Variants in HPCAL1 observed in about 807,000 individuals in gnomAD.
HPCAL1 encodes hippocalcin-like protein 1.
In HPCAL1, 8 loss-of-function variants were observed where a neutral mutation model predicts 17.1. The ratio of observed to expected loss-of-function variants is 0.47; its 90% CI spans 0.27 to 0.84. HPCAL1 has a LOEUF of 0.84. Ranked by LOEUF, HPCAL1 falls within the 40% of genes least tolerant of loss-of-function variation. The pLI is 0.13. For synonymous variants in HPCAL1, 112 were observed against 111.4 expected (o/e 1.01, Z -0.03); for missense variants, 165 against 271.1 (o/e 0.61, Z 2.75).
chr2:10,349,644 A>G (rs1665707402), intron 1 of HPCAL1, among the ~76,000 whole-genome samples: 1 of 127,698 alleles, frequency 7.8e-6, no homozygotes, highest in African/African-American at 2.9e-5. Context: ...CGGAGCTTGC[A>G]GTGATCCGAG....
In HPCAL1 at chr2:10,330,303, A is replaced by G. The variant is rs912818544; in HGVS notation, c.-111+27126A>G. 1 of 152,088 alleles carries G rather than the reference A, an allele frequency of 6.6e-6. No individual in the cohort carries two copies. Among genetic ancestry groups the G allele is most frequent in the Non-Finnish European group, 1.5e-5 (1 of 68,030 alleles). 9.4% of individuals were successfully genotyped at this position (152,088 alleles called of 1,614,324 possible). A position where few individuals can be genotyped will look rare whatever the true frequency, so the allele number is the denominator to read the frequency against. ...TTTGGTGGATGTTTGCAATTCCCAG[A>G]ATGCTTATTCTTATTTAGTCCTCAT... On this transcript the variant is annotated intron_variant, in intron 1 of 4. Coordinates refer to ENST00000307845, the MANE Select transcript of HPCAL1 (RefSeq NM_002149.4). The surrounding 1 kb of genome is among the most constrained non-coding windows in gnomAD (Gnocchi z 4.2).
rs979842333 is a variant in HPCAL1 at position 10,344,919 on chromosome 2, C to G, written c.-111+41742C>G. ...CGTTTCTCTTTCTCTCTGTGTGTCT[C>G]TCTCTCTGTGCCTTTCAGTCTCTTT... On this transcript the variant is annotated intron_variant, in intron 1 of 4. Transcript: ENST00000307845. The surrounding 1 kb of genome is among the most constrained non-coding windows in gnomAD (Gnocchi z 4.9). Among the ~76,000 whole-genome samples the G allele has an allele frequency of 6.6e-6, 1 of 151,996 alleles. No homozygotes were observed. The highest frequency in any genetic ancestry group is 1.5e-5 in the Non-Finnish European group (1 of 67,984).
intron 1 of HPCAL1, among the ~76,000 whole-genome samples, chr2:10,349,543 T>C (rs922485276): frequency 2.7e-5 from 4 of 150,702 alleles, no homozygotes; most frequent in African/African-American, 9.8e-5. Flanking sequence ...CTCTACTAAA[T>C]ATACAAAAAA....
intron 1 of HPCAL1, among the ~76,000 whole-genome samples, chr2:10,305,449 G>A (rs1294026653): frequency 1.3e-5 from 2 of 152,212 alleles, no homozygotes; most frequent in Admixed American, 1.3e-4. Context: ...GGAAGGCCCG[G>A]GGGCCCTGCC....
In HPCAL1 at chr2:10,363,148, T is replaced by C. The variant is rs148041184; in HGVS notation, c.-110-33687T>C. On this transcript the variant is annotated intron_variant, in intron 1 of 4. Coordinates refer to ENST00000307845, the MANE Select transcript of HPCAL1 (RefSeq NM_002149.4). This position sits in a 1 kb window ranked among gnomAD's most constrained non-coding sequence, Gnocchi z 4.7. The stretch of plus-strand genomic sequence containing the variant: ...AAAGTAAATAAAAAATAAAACCCAT[T>C]CTCACTCTAACCCATGCTGTATCTG... 2.5e-3 allele frequency among the ~76,000 whole-genome samples: 379 copies of C among 152,212 alleles called. 2 individuals carry two copies. Among genetic ancestry groups the C allele is most frequent in the African/African-American group, 8.7e-3 (363 of 41,526 alleles).
chr2:10,392,683 G>GGAGTGGAAGCAGCT (rs1203586813), intron 1 of HPCAL1, among the ~76,000 whole-genome samples: 1 of 152,222 alleles, frequency 6.6e-6, no homozygotes, highest in African/African-American at 2.4e-5. Context: ...TGGAAGCAGG[G>GGAGTGGAAGCAGCT]AGAGGTGAGA....
rs372984419 is a variant in HPCAL1 at position 10,419,725 on chromosome 2, G to C, written c.-24-9G>C. On this transcript the variant is annotated splice_polypyrimidine_tract_variant and intron_variant, in intron 2 of 4. Coordinates refer to ENST00000307845, the MANE Select transcript of HPCAL1 (RefSeq NM_002149.4). This position sits in a 1 kb window ranked among gnomAD's most constrained non-coding sequence, Gnocchi z 5.0. ...GGGTGGCGTCCCCGGCTGACCCCCT[G>C]TCTTGCAGGTGTAGTCGCCGCCGCC... The C allele has an allele frequency of 6.3e-7, 1 of 1,587,124 alleles. No homozygotes were observed. Among genetic ancestry groups the C allele is most frequent in the East Asian group, 2.2e-5 (1 of 44,712 alleles).
intron 2 of HPCAL1, among the ~76,000 whole-genome samples, chr2:10,417,411 G>A (rs771671995): frequency 1.7e-4 from 26 of 150,926 alleles, no homozygotes; most frequent in Middle Eastern, 7.1e-3. Context: ...CCACCCAGCC[G>A]TCTCTCTCCC....
Position 10,331,789 on chromosome 2 carries a change from G to A in HPCAL1, c.-111+28612G>A, listed in dbSNP as rs1664399204. ...CGCCATCAACTGCTTGGTGACATTG[G>A]CCAATCCTGTGGTGGCCCCAGCTGG... On this transcript the variant is annotated intron_variant, in intron 1 of 4. Transcript: ENST00000307845. The surrounding 1 kb of genome is among the most constrained non-coding windows in gnomAD (Gnocchi z 5.0). Among the ~76,000 whole-genome samples the A allele has an allele frequency of 6.6e-6, 1 of 152,112 alleles. No individual in the cohort carries two copies. The highest frequency in any genetic ancestry group is 2.1e-4 in the South Asian group (1 of 4,822).
At chr2:10,341,893 C>T (rs914656633) in intron 1 of HPCAL1, among the ~76,000 whole-genome samples, 2 of 152,032 alleles carry the variant, frequency 1.3e-5, no homozygotes, top group Non-Finnish European at 2.9e-5. Context: ...CGTGCTGGCT[C>T]ACACGTGTAA....
intron 1 of HPCAL1, among the ~76,000 whole-genome samples, chr2:10,379,721 G>A (rs12477018): frequency 0.1 from 15,316 of 152,188 alleles, 1,746 homozygotes; most frequent in East Asian, 0.47. Context: ...GGCTCTGGTC[G>A]CTTGAAAAGA....
intron 2 of HPCAL1, among the ~76,000 whole-genome samples, chr2:10,412,478 G>A (rs1224600323): frequency 6.6e-6 from 1 of 152,196 alleles, no homozygotes; most frequent in African/African-American, 2.4e-5. Context: ...CAGCAAGAAA[G>A]GGCAGGAAAG....
intron 1 of HPCAL1, among the ~76,000 whole-genome samples, chr2:10,305,359 C>G (rs558531209): frequency 1.3e-5 from 2 of 152,122 alleles, no homozygotes; most frequent in Non-Finnish European, 2.9e-5. Context: ...GTGTTTTGGC[C>G]TTAGATCTAT....
At chr2:10,351,189 G>A (rs933483115) in intron 1 of HPCAL1, among the ~76,000 whole-genome samples, 2 of 152,208 alleles carry the variant, frequency 1.3e-5, no homozygotes, top group Non-Finnish European at 2.9e-5. Flanking sequence ...TAAACAAAAT[G>A]TAGTCTATCC....
chr2:10,401,779 G>A (rs1208789269), intron 2 of HPCAL1, among the ~76,000 whole-genome samples: 1 of 152,226 alleles, frequency 6.6e-6, no homozygotes, highest in Non-Finnish European at 1.5e-5. Flanking sequence ...GGAGAGAACT[G>A]GGGCCCAGCT....
At chr2:10,346,187 C>T (rs1350401179) in intron 1 of HPCAL1, among the ~76,000 whole-genome samples, 2 of 151,874 alleles carry the variant, frequency 1.3e-5, no homozygotes, top group African/African-American at 2.4e-5. Context: ...CACAGCTGCA[C>T]TCATGTCCTT....
rs55922346 is a variant in HPCAL1, at chr2:10,359,904, G to A, written c.-110-36931G>A. Among the ~76,000 whole-genome samples the A allele has an allele frequency of 0.43, 63,310 of 148,672 alleles. 14,583 individuals carry two copies. Among genetic ancestry groups the A allele is most frequent in the East Asian group, 0.77 (3,955 of 5,140 alleles). On this transcript the variant is annotated intron_variant, in intron 1 of 4. Transcript: ENST00000307845. This position sits in a 1 kb window ranked among gnomAD's most constrained non-coding sequence, Gnocchi z 4.1. ...CCTGCCTCCTTCCACAGTGCCCGCC[G>A]GGTCCACAGCGCCCGCCGGGTCCAC...
chr2:10,377,806 A>T lies in HPCAL1; in HGVS notation c.-110-19029A>T, dbSNP rs574189551. Among the ~76,000 whole-genome samples, 7 of 152,056 alleles carry T rather than the reference A, an allele frequency of 4.6e-5. 1 individual carries two copies. The East Asian group carries it at 1.4e-3, about 29-fold the overall frequency. ...AAGGGACACCAGAATCCCCATCCCC[A>T]TCCCCAGGGTGGTGAGCCACCGAGG... On this transcript the variant is annotated intron_variant, in intron 1 of 4. Transcript: ENST00000307845. The surrounding 1 kb of genome is among the most constrained non-coding windows in gnomAD (Gnocchi z 5.9).
chr2:10,337,089 G>A (rs554072184), intron 1 of HPCAL1, among the ~76,000 whole-genome samples: 2 of 152,170 alleles, frequency 1.3e-5, no homozygotes, highest in East Asian at 3.9e-4. Flanking sequence ...GCTCAGACGT[G>A]GGAATGGCTA....
Sources: gnomAD v4.1 joint callset for allele counts (sites outside exome capture counted in the v4.1 genomes callset) on GRCh38, gnomAD v4.1.1 for gene constraint, Gnocchi (gnomAD v3.1) non-coding constraint, MANE v1.5 for transcripts, NCBI Gene and HGNC (gene_info 2026-07-23, HGNC 2026-07-21) for gene names.